Variants in GSE1 observed in about 807,000 individuals in gnomAD.
GSE1 encodes the protein genetic suppressor element 1.
A neutral mutation model predicts 112.6 loss-of-function variants in GSE1; 32 were observed. The ratio of observed to expected loss-of-function variants is 0.28; its 90% confidence interval spans 0.21 to 0.38. The LOEUF is 0.38. Ranked by LOEUF, GSE1 falls within the 10% of genes least tolerant of loss-of-function variation. The probability of loss-of-function intolerance (pLI) is 1.00; values close to 1 mark genes in which losing one functional copy is unlikely to be tolerated. For missense variants in GSE1, 2,348 were observed against 1,699.2 expected (o/e 1.38, Z -6.71); for synonymous variants, 1,115 against 735.6 (o/e 1.52, Z -8.35).
intron 1 of GSE1, among the ~76,000 whole-genome samples, chr16:85,301,763 C>A (rs1270262862): frequency 6.6e-6 from 1 of 152,234 alleles, no homozygotes; most frequent in Admixed American, 6.5e-5. Context: ...GGCAGCAGTC[C>A]CCAAGAGGGA....
chr16:85,547,654 G>A (rs1486561223), intron 2 of GSE1, among the ~76,000 whole-genome samples: 1 of 152,094 alleles, frequency 6.6e-6, no homozygotes, highest in Non-Finnish European at 1.5e-5. Context: ...GCCGGGGAGG[G>A]TGTATCACCT....
chr16:85,321,399 A>G (rs1056834639), intron 1 of GSE1, among the ~76,000 whole-genome samples: 1 of 152,136 alleles, frequency 6.6e-6, no homozygotes, highest in Non-Finnish European at 1.5e-5. Flanking sequence ...TCTAAATTAT[A>G]TACTTATTTT....
intron 2 of GSE1, among the ~76,000 whole-genome samples, chr16:85,505,660 C>A (rs1284288904): frequency 1.3e-5 from 2 of 152,072 alleles, no homozygotes; most frequent in African/African-American, 4.8e-5. Context: ...TGTATAGACA[C>A]CCCTAATACA....
At chr16:85,228,013 G>C (rs79947235) in intron 1 of GSE1, among the ~76,000 whole-genome samples, 1,614 of 152,296 alleles carry the variant, frequency 0.011, 29 homozygotes, top group African/African-American at 0.037. Flanking sequence ...GCCTGGGAGG[G>C]CTGGGAGGGC....
At chr16:85,510,080 G>A (rs1016239936) in intron 2 of GSE1, among the ~76,000 whole-genome samples, 6 of 152,202 alleles carry the variant, frequency 3.9e-5, no homozygotes, top group African/African-American at 1.4e-4. Context: ...CGGGGGCCAA[G>A]CACCCCCATG....
chr16:85,662,416 A>C (rs1050295583), intron 9 of GSE1: 1 of 153,264 alleles, frequency 6.5e-6, no homozygotes, highest in African/African-American at 2.4e-5. Context: ...CCTCCTCTTC[A>C]ATAGAAGCTG....
At chr16:85,228,165 G>A (rs2075521101) in intron 1 of GSE1, among the ~76,000 whole-genome samples, 1 of 152,262 alleles carries the variant, frequency 6.6e-6, no homozygotes, top group Admixed American at 6.5e-5. Context: ...GCAGCGCTGA[G>A]TCCCGGCCCC....
chr16:85,216,034 A>G (rs533091016), intron 1 of GSE1, among the ~76,000 whole-genome samples: 2 of 152,340 alleles, frequency 1.3e-5, no homozygotes, highest in Admixed American at 6.5e-5. Context: ...GCCCACAGCC[A>G]ACAGGAGTTG....
At chr16:85,657,242 G>A in intron 7 of GSE1, 35 bp from the exon 8 acceptor site, 3 of 1,439,932 alleles carry the variant, frequency 2.1e-6, no homozygotes, top group Non-Finnish European at 2.8e-6. Context: ...GGCCCACGTG[G>A]CTGAGATCCT....
intron 1 of GSE1, among the ~76,000 whole-genome samples, chr16:85,198,974 T>C (rs1206925243): frequency 6.6e-6 from 1 of 151,392 alleles, no homozygotes; most frequent in African/African-American, 2.4e-5. Context: ...AGACGGAGTC[T>C]CGCTCTGTTG....
intron 2 of GSE1, among the ~76,000 whole-genome samples, chr16:85,521,110 G>A (rs892389948): frequency 6.6e-6 from 1 of 152,146 alleles, no homozygotes; most frequent in Non-Finnish European, 1.5e-5. Flanking sequence ...CCTGACCTCC[G>A]GGCTGCACCT....
chr16:85,519,897 A>C (rs943928107), intron 2 of GSE1, among the ~76,000 whole-genome samples: 5 of 152,296 alleles, frequency 3.3e-5, no homozygotes, highest in African/African-American at 9.6e-5. Context: ...GGCTGGGGGT[A>C]AGGAGAAGGA....
At position 85,656,654 on chromosome 16, in the gene GSE1, C is replaced by G; in HGVS notation, c.1301C>G (p.Pro434Arg). The change falls in exon 7 of 16, where the codon CCA (proline) becomes CGA (arginine). Residue 434 changes from proline (P) to arginine (R), a missense_variant. Transcript: ENST00000253458. The part of the protein sequence containing the change: ...ERGKPSEQLT[P>R]TRAEKLKDAG... The stretch of plus-strand genomic sequence containing the variant: ...GGCAAGCCCTCGGAGCAGCTGACCC[C>G]AACCCGAGCAGGTACCTGGGCGTGG... 1 of 1,519,182 alleles carries G rather than the reference C, an allele frequency of 6.6e-7. No homozygotes were observed. The highest frequency in any genetic ancestry group is 2.5e-5 in the East Asian group (1 of 40,494). 94.1% of individuals were successfully genotyped at this position (1,519,182 alleles called of 1,614,324 possible).
At chr16:85,389,146 G>C (rs146318619) in intron 2 of GSE1, among the ~76,000 whole-genome samples, 1 of 152,320 alleles carries the variant, frequency 6.6e-6, no homozygotes, top group East Asian at 1.9e-4. Context: ...GAGGCATTCT[G>C]ATAGAGCAGA....
chr16:85,418,899 C>A (rs888288081), intron 2 of GSE1, among the ~76,000 whole-genome samples: 3 of 152,066 alleles, frequency 2.0e-5, no homozygotes, highest in African/African-American at 2.4e-5. Flanking sequence ...AGAGAGAGAA[C>A]CTTAGAACAT....
At chr16:85,354,133 C>T (rs1220060748) in intron 1 of GSE1, among the ~76,000 whole-genome samples, 5 of 152,180 alleles carry the variant, frequency 3.3e-5, no homozygotes, top group Admixed American at 2.6e-4. Flanking sequence ...TTGGGGACCC[C>T]TCCCCTTCTC....
chr16:85,470,641 T>TG (rs968238442), intron 2 of GSE1, among the ~76,000 whole-genome samples: 2 of 152,154 alleles, frequency 1.3e-5, no homozygotes, highest in African/African-American at 4.8e-5. Context: ...GTTGTATGGG[T>TG]GCCCCGGGAA....
chr16:85,221,990 G>T (rs1215694488), intron 1 of GSE1, among the ~76,000 whole-genome samples: 1 of 152,180 alleles, frequency 6.6e-6, no homozygotes, highest in Non-Finnish European at 1.5e-5. Flanking sequence ...CTCAGGGAGG[G>T]CCGGGGAGGC....
chr16:85,549,432 C>A (rs2044825612), intron 2 of GSE1, among the ~76,000 whole-genome samples: 1 of 152,198 alleles, frequency 6.6e-6, no homozygotes, highest in African/African-American at 2.4e-5. Flanking sequence ...TCCACCTCGG[C>A]CTCCCAAAGT....
Sources: gnomAD v4.1 joint callset for allele counts (sites outside exome capture counted in the v4.1 genomes callset) on GRCh38, gnomAD v4.1.1 for gene constraint, MANE v1.5 for transcripts, NCBI Gene and HGNC (gene_info 2026-07-23, HGNC 2026-07-21) for gene names.